The following BBC3 variants were observed in gnomAD, a reference collection of about 807,000 sequenced individuals.
BBC3 encodes bcl-2-binding component 3.
In BBC3, 5 loss-of-function variants were observed where a neutral mutation model predicts 18.2. The ratio of observed to expected loss-of-function variants is 0.27; its 90% CI spans 0.14 to 0.58. BBC3 has a LOEUF of 0.58. Ranked by LOEUF, BBC3 falls within the 20% of genes least tolerant of loss-of-function variation. The probability of loss-of-function intolerance (pLI) is 0.91; values close to 1 mark genes in which losing one functional copy is unlikely to be tolerated. For synonymous variants in BBC3, 119 were observed against 128.0 expected, an observed-to-expected ratio of 0.93 and a Z score of 0.47; for missense variants, 224 against 268.9, an observed-to-expected ratio of 0.83 and a Z score of 1.17.
rs780014877 is a variant in BBC3, at chr19:47,226,576, C to G, written c.453G>C (p.Gln151His). The change falls in exon 3 of 4, where the codon CAG (glutamine) becomes CAC (histidine). Residue 151 changes from glutamine (Q) to histidine (H), a missense_variant. By Grantham distance (24) the Gln-to-His change is conservative. Transcript: ENST00000439096. ...LRRMADDLNA[Q>H]YERRRQEEQQ... The stretch of plus-strand genomic sequence containing the variant: ...CCCCAGCACTCACCCGCCGCTCGTA[C>G]TGTGCGTTGAGGTCGTCCGCCATCC... 6.3e-7 allele frequency: 1 copy of G among 1,577,224 alleles called. No individual in the cohort carries two copies. Among genetic ancestry groups the G allele is most frequent in the South Asian group, 1.2e-5 (1 of 86,896 alleles).
chr19:47,223,844 G>C (rs1192210139), intron 3 of BBC3, among the ~76,000 whole-genome samples: 2 of 152,156 alleles, frequency 1.3e-5, no homozygotes, highest in African/African-American at 4.8e-5. Flanking sequence ...ATTGGTGTAA[G>C]TTACAAAACC....
At chr19:47,232,675 T>C (rs1433990908), upstream of BBC3, 2 of 1,398,222 alleles carry the variant, frequency 1.4e-6, no homozygotes, top group African/African-American at 2.9e-5. Context: ...TCTGGTTTGG[T>C]GAGTTTTGTC....
chr19:47,231,460 C>T (rs1300426452), upstream of BBC3, among the ~76,000 whole-genome samples: 1 of 152,100 alleles, frequency 6.6e-6, no homozygotes, highest in Non-Finnish European at 1.5e-5. The surrounding 1 kb of genome is among the most constrained non-coding windows in gnomAD (Gnocchi z 4.0). Context: ...GGGGAGATCG[C>T]CCAGACACCG....
At chr19:47,224,043 C>G (rs867537777) in intron 3 of BBC3, among the ~76,000 whole-genome samples, 2 of 152,122 alleles carry the variant, frequency 1.3e-5, no homozygotes, top group Non-Finnish European at 2.9e-5. Flanking sequence ...ACCTGTAATC[C>G]CAGCACTTTG....
rs10647392 is a variant in BBC3, at chr19:47,221,426, G to GC, written c.*375dup. The GC allele has an allele frequency of 0.19, 31,462 of 168,888 alleles. 8,315 individuals are homozygous for GC. Among genetic ancestry groups the GC allele is most frequent in the Admixed American group, 0.32 (3,054 of 9,530 alleles). The allele number at this position is 168,888 out of a possible 1,614,324, so 10.5% of individuals were successfully genotyped here. ...AGAGTGAAGGAGCACCGAGAGGAGA[G>GC]CCCCCCCCTCCCAGTGTCACCCCTG... On this transcript the variant is annotated 3_prime_UTR_variant, in exon 4 of 4. Coordinates refer to ENST00000439096, the MANE Select transcript of BBC3 (RefSeq NM_014417.5).
chr19:47,224,907 T>C (rs2058793720), intron 3 of BBC3, among the ~76,000 whole-genome samples: 2 of 148,836 alleles, frequency 1.3e-5, no homozygotes, highest in Admixed American at 6.9e-5. Context: ...CTCAGCTACT[T>C]TTTGTTTCTT....
upstream of BBC3, chr19:47,231,251 G>GCCCCGC (rs923147100): frequency 1.5e-5 from 9 of 597,702 alleles, no homozygotes; most frequent in Middle Eastern, 8.1e-4. This position sits in a 1 kb window ranked among gnomAD's most constrained non-coding sequence, Gnocchi z 4.0. Context: ...GCCCCGCCCC[G>GCCCCGC]CCCCGCCCCC....
At position 47,221,776 on chromosome 19, in the gene BBC3, G is replaced by A; in HGVS notation, c.*26C>T. ...GGAGGGGCCTGCCCCCCGAGTCCCT[G>A]ACGTCCACCGGGCGGGTGCAGGCAC... On this transcript the variant is annotated 3_prime_UTR_variant, in exon 4 of 4. Coordinates refer to ENST00000439096, the MANE Select transcript of BBC3 (RefSeq NM_014417.5). The A allele has an allele frequency of 6.2e-7, 1 of 1,608,088 alleles. No individual in the cohort carries two copies. The highest frequency in any genetic ancestry group is 1.1e-5 in the South Asian group (1 of 90,672).
rs769942994 is a variant in BBC3 at position 47,226,529 on chromosome 19, T to G, written c.465+35A>C. ...CTGCCGCCCCCTCCTCCGGCGGAAG[T>G]CCCACCTGCCGTCTACCCCACCCCC... On this transcript the variant is annotated intron_variant, in intron 3 of 3. Transcript: ENST00000439096. 1.3e-5 allele frequency: 19 copies of G among 1,471,770 alleles called. No homozygotes were observed. In the South Asian group the frequency reaches 2.0e-4, roughly 16 times the overall value. The allele number at this position is 1,471,770 out of a possible 1,614,324, so 91.2% of individuals were successfully genotyped here.
upstream of BBC3, chr19:47,232,762 G>T: frequency 1.7e-6 from 1 of 587,278 alleles, no homozygotes; most frequent in Non-Finnish European, 2.9e-6. Flanking sequence ...AATCGCAATC[G>T]CCTCACCAGA....
upstream of BBC3, chr19:47,231,237 CCCCGCCCCG>C: frequency 1.1e-6 from 1 of 947,060 alleles, no homozygotes; most frequent in Non-Finnish European, 1.3e-6. The surrounding 1 kb of genome is among the most constrained non-coding windows in gnomAD (Gnocchi z 4.0). Context: ...TCCAAAGCCG[CCCCGCCCCG>C]CCCCGCCCCG....
chr19:47,226,066 C>T (rs2058813262), intron 3 of BBC3, among the ~76,000 whole-genome samples: 1 of 151,288 alleles, frequency 6.6e-6, no homozygotes, highest in Admixed American at 6.5e-5. Flanking sequence ...AAAATCGAGG[C>T]CGTGCCAGGG....
intron 3 of BBC3, chr19:47,222,297 A>G (rs948060341): frequency 5.8e-6 from 1 of 173,842 alleles, no homozygotes; most frequent in Non-Finnish European, 1.2e-5. Flanking sequence ...GGGTGCCCAC[A>G]GTCTTGGCAG....
intron 3 of BBC3, among the ~76,000 whole-genome samples, chr19:47,224,532 G>A (rs1437773277): frequency 2.6e-5 from 4 of 151,754 alleles, no homozygotes; most frequent in South Asian, 2.1e-4. Flanking sequence ...AGGCTGAGGC[G>A]GGAGGATCCC....
chr19:47,226,880 G>A, intron 2 of BBC3, 126 bp from the exon 3 acceptor site: 1 of 864,658 alleles, frequency 1.2e-6, no homozygotes, highest in Admixed American at 4.0e-5. Flanking sequence ...TCGCTAGTGA[G>A]TCAATTTCTC....
intron 3 of BBC3, among the ~76,000 whole-genome samples, chr19:47,224,363 C>G (rs2058786289): frequency 6.6e-6 from 1 of 152,038 alleles, no homozygotes; most frequent in Non-Finnish European, 1.5e-5. Context: ...TAGCTCAGAC[C>G]CATAATTCCA....
intron 3 of BBC3, 112 bp from the exon 4 acceptor site, chr19:47,222,030 G>T: frequency 2.1e-6 from 2 of 966,130 alleles, no homozygotes; most frequent in Non-Finnish European, 3.0e-6. Flanking sequence ...CCCTATTCCA[G>T]CTCCTCCCCC....
At position 47,228,330 on chromosome 19, in the gene BBC3, T is replaced by C. The variant is rs2058864215; in HGVS notation, c.102A>G (p.Ala34=). 1 of 1,227,554 alleles carries C rather than the reference T, an allele frequency of 8.1e-7. No individual in the cohort carries two copies. Among genetic ancestry groups the C allele is most frequent in the South Asian group, 4.1e-5 (1 of 24,310 alleles). 76.0% of individuals were successfully genotyped at this position (1,227,554 alleles called of 1,614,324 possible). Residue 34 remains alanine, a synonymous_variant, in exon 2 of 4, where the codon GCA becomes GCG. Transcript: ENST00000439096. This position sits in a 1 kb window ranked among gnomAD's most constrained non-coding sequence, Gnocchi z 5.5. Reference sequence around the variant, plus strand: ...CGGGCTCGCAGAGGCCGCAGGACACTGCCGAGGGCACCAGGCGGCCGAGCG... The same window carrying C: ...CGGGCTCGCAGAGGCCGCAGGACACCGCCGAGGGCACCAGGCGGCCGAGCG... ...PFPLGRLVPS[A]VSCGLCEPGL... is the part of the protein sequence containing the mutation.
At chr19:47,229,539 G>A (rs1439348173) in intron 1 of BBC3, among the ~76,000 whole-genome samples, 3 of 150,212 alleles carry the variant, frequency 2.0e-5, no homozygotes, top group East Asian at 2.0e-4. Context: ...CACACCTAGC[G>A]CACCCACAGA....
Sources: gnomAD v4.1 joint callset for allele counts (sites outside exome capture counted in the v4.1 genomes callset) on GRCh38, gnomAD v4.1.1 for gene constraint, Gnocchi (gnomAD v3.1) non-coding constraint, MANE v1.5 for transcripts, NCBI Gene and HGNC (gene_info 2026-07-23, HGNC 2026-07-21) for gene names.